Variants in TMEM117 observed in about 807,000 individuals in gnomAD.
The protein encoded by TMEM117 is transmembrane protein 117.
Under a neutral mutation model 52.4 loss-of-function variants are expected in TMEM117, and 27 were observed. The ratio of observed to expected loss-of-function variants is 0.51; its 90% CI spans 0.38 to 0.71. The LOEUF (loss-of-function observed/expected upper bound fraction) is 0.71. TMEM117 is among the 30% of genes least tolerant of loss of function. The pLI, the probability that TMEM117 is intolerant of heterozygous loss-of-function variation, is 0.00. For missense variants in TMEM117, 556 were observed against 630.5 expected (o/e 0.88, Z 1.26); for synonymous variants, 215 against 206.3 (o/e 1.04, Z -0.36).
intron 4 of TMEM117, among the ~76,000 whole-genome samples, chr12:44,180,869 G>A (rs1316605050): frequency 6.6e-6 from 1 of 151,868 alleles, no homozygotes; most frequent in African/African-American, 2.4e-5. Context: ...TATATACCCA[G>A]TAATGGGATG....
chr12:44,326,211 T>TA (rs1238179428), intron 6 of TMEM117, among the ~76,000 whole-genome samples: 2 of 151,944 alleles, frequency 1.3e-5, no homozygotes, highest in Admixed American at 1.3e-4. Flanking sequence ...GTTTTTTATT[T>TA]AAAAAAAAGA....
At chr12:43,928,255 T>G (rs1348566925) in intron 2 of TMEM117, among the ~76,000 whole-genome samples, 2 of 152,052 alleles carry the variant, frequency 1.3e-5, no homozygotes, top group Admixed American at 6.5e-5. Context: ...GTTCTTTTTT[T>G]GGTTCAACTC....
intron 4 of TMEM117, among the ~76,000 whole-genome samples, chr12:44,168,284 G>A (rs750072601): frequency 3.2e-4 from 48 of 151,748 alleles, no homozygotes; most frequent in Non-Finnish European, 5.7e-4. Flanking sequence ...TCCTGGATCT[G>A]TAGGATTGAT....
At chr12:44,236,239 T>G (rs1949995401) in intron 5 of TMEM117, among the ~76,000 whole-genome samples, 1 of 152,024 alleles carries the variant, frequency 6.6e-6, no homozygotes, top group African/African-American at 2.4e-5. Flanking sequence ...CACTTTTCTA[T>G]CTGAGGTGCC....
chr12:43,901,371 C>T (rs745583203), intron 2 of TMEM117, among the ~76,000 whole-genome samples: 13 of 151,904 alleles, frequency 8.6e-5, no homozygotes, highest in South Asian at 2.1e-4. Flanking sequence ...AGTGCAGTAG[C>T]GTAATCTCGG....
At chr12:43,831,546 A>AT (rs11449366), upstream of TMEM117, among the ~76,000 whole-genome samples, 33,872 of 137,566 alleles carry the variant, frequency 0.25, 5,416 homozygotes, top group African/African-American at 0.47. Context: ...GTTACTTCTG[A>AT]TTTTTTTTTT....
chr12:43,978,195 T>G (rs984390610), intron 3 of TMEM117, among the ~76,000 whole-genome samples: 1 of 152,168 alleles, frequency 6.6e-6, no homozygotes, highest in African/African-American at 2.4e-5. Context: ...GCAGGTCTGC[T>G]TGATTATTAC....
At chr12:44,204,971 C>T (rs1008216559) in intron 4 of TMEM117, among the ~76,000 whole-genome samples, 4 of 152,102 alleles carry the variant, frequency 2.6e-5, no homozygotes, top group South Asian at 2.1e-4. Flanking sequence ...ATAGGAAACA[C>T]CATTCTGAAC....
rs76469348 is a variant in TMEM117 at position 44,062,072 on chromosome 12, G to A, written c.411-81453G>A. ...TTATATCAATCTCTCTATCAAGCAC[G>A]GAGCAGTATCATTTTGAGGGATGAG... On this transcript the variant is annotated intron_variant, in intron 3 of 7. Coordinates refer to ENST00000266534, the MANE Select transcript of TMEM117 (RefSeq NM_032256.3). Among the ~76,000 whole-genome samples the A allele has an allele frequency of 1.1e-4, 16 of 152,190 alleles. No individual in the cohort carries two copies. In the East Asian group the frequency reaches 2.7e-3, roughly 26 times the overall value.
chr12:44,334,123 T>G (rs1411771564), intron 6 of TMEM117, among the ~76,000 whole-genome samples: 2 of 152,094 alleles, frequency 1.3e-5, no homozygotes, highest in African/African-American at 4.8e-5. Context: ...TTTCTTGGAC[T>G]TCTCTTTTGA....
At chr12:44,326,759 G>A (rs527600032) in intron 6 of TMEM117, among the ~76,000 whole-genome samples, 1 of 152,284 alleles carries the variant, frequency 6.6e-6, no homozygotes, top group South Asian at 2.1e-4. Flanking sequence ...TTGCAATCCA[G>A]GCCTCATTGG....
At position 44,026,369 on chromosome 12, in the gene TMEM117, A is replaced by G. The variant is rs546704285; in HGVS notation, c.410+82027A>G. Among the ~76,000 whole-genome samples, 10 of 152,192 alleles carry G rather than the reference A, an allele frequency of 6.6e-5. No homozygotes were observed. The East Asian group carries it at 1.9e-3, about 29-fold the overall frequency. Reference sequence around the variant, plus strand: ...GATTAAAAACCTGGGGACCCACTTCAAGACCTTTGCACATGCTGGCCCAGA... The same window carrying G: ...GATTAAAAACCTGGGGACCCACTTCGAGACCTTTGCACATGCTGGCCCAGA... On this transcript the variant is annotated intron_variant, in intron 3 of 7. Coordinates refer to ENST00000266534, the MANE Select transcript of TMEM117 (RefSeq NM_032256.3).
At chr12:43,975,738 A>G (rs1348740731) in intron 3 of TMEM117, among the ~76,000 whole-genome samples, 1 of 152,246 alleles carries the variant, frequency 6.6e-6, no homozygotes, top group South Asian at 2.1e-4. Context: ...TTCACCAAAC[A>G]TTAGCAGACT....
At chr12:44,018,164 A>G (rs1946400966) in intron 3 of TMEM117, among the ~76,000 whole-genome samples, 1 of 152,182 alleles carries the variant, frequency 6.6e-6, no homozygotes, top group Non-Finnish European at 1.5e-5. Flanking sequence ...AAATTAGATA[A>G]GAAACATAAA....
chr12:44,079,944 G>T (rs1417273235), intron 3 of TMEM117, among the ~76,000 whole-genome samples: 1 of 150,932 alleles, frequency 6.6e-6, no homozygotes, highest in Non-Finnish European at 1.5e-5. Flanking sequence ...CTTGAACCCG[G>T]GGGGCACAGG....
intron 6 of TMEM117, among the ~76,000 whole-genome samples, chr12:44,360,088 G>T (rs1328807710): frequency 2.6e-5 from 4 of 151,980 alleles, no homozygotes; most frequent in Non-Finnish European, 5.9e-5. Flanking sequence ...AATTTACATG[G>T]TCAAATGTTC....
chr12:44,042,034 T>C (rs1946806365), intron 3 of TMEM117, among the ~76,000 whole-genome samples: 1 of 152,192 alleles, frequency 6.6e-6, no homozygotes, highest in African/African-American at 2.4e-5. Context: ...GTCATCCACA[T>C]TGAAAGGGAT....
At chr12:44,178,845 A>G (rs1237571683) in intron 4 of TMEM117, among the ~76,000 whole-genome samples, 1 of 152,174 alleles carries the variant, frequency 6.6e-6, no homozygotes, top group Admixed American at 6.6e-5. Flanking sequence ...CATAGTAAGT[A>G]GTTGTATTAG....
intron 7 of TMEM117, among the ~76,000 whole-genome samples, chr12:44,385,640 A>G (rs1338728785): frequency 6.6e-6 from 1 of 152,166 alleles, no homozygotes; most frequent in Admixed American, 6.5e-5. Context: ...GTGATCAGTC[A>G]TACAAGCACA....
Sources: gnomAD v4.1 joint callset for allele counts (sites outside exome capture counted in the v4.1 genomes callset) on GRCh38, gnomAD v4.1.1 for gene constraint, MANE v1.5 for transcripts, NCBI Gene and HGNC (gene_info 2026-07-23, HGNC 2026-07-21) for gene names.